TMEM266: variants seen among roughly 807,000 people sequenced by gnomAD.
TMEM266 encodes the protein Hv1 related protein 1.
TMEM266 carries 33 observed loss-of-function variants against 50.5 expected under a neutral mutation model. The observed-to-expected ratio is 0.65, with a 90% CI of 0.50 to 0.87. The LOEUF (loss-of-function observed/expected upper bound fraction) is 0.87. Ranked by LOEUF, TMEM266 falls within the 40% of genes least tolerant of loss-of-function variation. The pLI is 0.00. For synonymous variants in TMEM266, 310 were observed against 292.3 expected, an observed-to-expected ratio of 1.06 and a Z score of -0.62; for missense variants, 655 against 695.1, an observed-to-expected ratio of 0.94 and a Z score of 0.65.
chr15:76,178,807 C>T (rs1203149050), intron 8 of TMEM266: 4 of 152,332 alleles, frequency 2.6e-5, no homozygotes, highest in Admixed American at 2.0e-4. Flanking sequence ...TGAACAGAAA[C>T]GAACCATTTT....
intron 8 of TMEM266, among the ~76,000 whole-genome samples, chr15:76,187,818 G>C (rs913771764): frequency 6.6e-6 from 1 of 152,208 alleles, no homozygotes; most frequent in Admixed American, 6.5e-5. Flanking sequence ...TTAGGGCCCA[G>C]TCTGAAGCCA....
intron 1 of TMEM266, among the ~76,000 whole-genome samples, chr15:76,087,256 T>A (rs1478193160): frequency 2.1e-4 from 32 of 152,124 alleles, no homozygotes; most frequent in Non-Finnish European, 1.5e-5. Context: ...ACTGTAATAA[T>A]GCAGCTGAAA....
At chr15:76,145,466 A>G (rs1334068298) in intron 3 of TMEM266, among the ~76,000 whole-genome samples, 1 of 152,204 alleles carries the variant, frequency 6.6e-6, no homozygotes, top group Non-Finnish European at 1.5e-5. Context: ...TTCTAAGAGC[A>G]ACAAAGAACT....
At chr15:76,136,585 C>T (rs1471417553) in intron 2 of TMEM266, among the ~76,000 whole-genome samples, 1 of 152,122 alleles carries the variant, frequency 6.6e-6, no homozygotes, top group Non-Finnish European at 1.5e-5. Context: ...ATGTTCCCTC[C>T]AATATTTAAA....
chr15:76,130,968 G>A (rs901770558), intron 1 of TMEM266, among the ~76,000 whole-genome samples: 7 of 152,188 alleles, frequency 4.6e-5, no homozygotes, highest in African/African-American at 1.7e-4. Context: ...TGTGCAAAAA[G>A]TTTGGAGTTT....
intron 1 of TMEM266, among the ~76,000 whole-genome samples, chr15:76,115,486 C>A (rs1041717630): frequency 6.6e-6 from 1 of 152,162 alleles, no homozygotes; most frequent in African/African-American, 2.4e-5. Context: ...TCTCTGGCTC[C>A]TGAAATGTGC....
chr15:76,174,648 A>G (rs947863810), intron 7 of TMEM266, among the ~76,000 whole-genome samples: 2 of 152,198 alleles, frequency 1.3e-5, no homozygotes, highest in African/African-American at 4.8e-5. Flanking sequence ...TCCAAAGAGA[A>G]AGCCTACACT....
At chr15:76,129,875 A>G (rs2142025821) in intron 1 of TMEM266, among the ~76,000 whole-genome samples, 1 of 152,288 alleles carries the variant, frequency 6.6e-6, no homozygotes, top group South Asian at 2.1e-4. Context: ...CCTTAAAAAA[A>G]TATATACAGG....
intron 1 of TMEM266, among the ~76,000 whole-genome samples, chr15:76,081,623 G>A (rs2036695927): frequency 6.6e-6 from 1 of 152,218 alleles, no homozygotes; most frequent in African/African-American, 2.4e-5. Context: ...CTCACTGACA[G>A]TGTAGACAGT....
chr15:76,167,187 A>G (rs767754891), intron 5 of TMEM266, among the ~76,000 whole-genome samples: 13 of 152,112 alleles, frequency 8.5e-5, no homozygotes, highest in African/African-American at 2.7e-4. Context: ...AAGAAACCAT[A>G]TGGCTGGGCG....
intron 1 of TMEM266, among the ~76,000 whole-genome samples, chr15:76,114,956 T>A (rs1482201765): frequency 6.6e-6 from 1 of 152,114 alleles, no homozygotes; most frequent in Non-Finnish European, 1.5e-5. Flanking sequence ...AGGTTCATCA[T>A]GTCTAGATTT....
intron 1 of TMEM266, among the ~76,000 whole-genome samples, chr15:76,081,238 A>G (rs1486531178): frequency 6.6e-6 from 1 of 152,230 alleles, no homozygotes; most frequent in Non-Finnish European, 1.5e-5. Flanking sequence ...TTGACTATGG[A>G]CAAGTCATTG....
intron 7 of TMEM266, 25 bp from the exon 8 acceptor site, chr15:76,175,534 T>C: frequency 6.3e-7 from 1 of 1,596,400 alleles, no homozygotes; most frequent in African/African-American, 1.3e-5. Context: ...GCTGAATTCT[T>C]TACAGGGCTG....
At chr15:76,085,934 G>T (rs2036769890) in intron 1 of TMEM266, among the ~76,000 whole-genome samples, 1 of 151,942 alleles carries the variant, frequency 6.6e-6, no homozygotes, top group Admixed American at 6.6e-5. Context: ...TTTAGTTCCA[G>T]CTACTTGGGA....
chr15:76,089,384 G>A lies in TMEM266; in HGVS notation c.-97+29368G>A, dbSNP rs574936206. ...ATTTTTTTGTATTTTTAGTAGAGAC[G>A]GGGTTTCACCGTGTTAGCCAGGATG... On this transcript the variant is annotated intron_variant, in intron 1 of 10. Transcript: ENST00000388942. Among the ~76,000 whole-genome samples the A allele has an allele frequency of 2.2e-4, 34 of 151,856 alleles. 3 individuals are homozygous for A. The East Asian group carries it at 5.3e-3, about 24-fold the overall frequency.
At chr15:76,203,694 G>A (rs2038786626) in intron 10 of TMEM266, 47 bp from the exon 11 acceptor site, 1 of 1,558,378 alleles carries the variant, frequency 6.4e-7, no homozygotes, top group Admixed American at 1.7e-5. Flanking sequence ...GGGCCCCCAG[G>A]TGTGGCAGAG....
At chr15:76,133,441 AAAT>A (rs1022746068) in intron 1 of TMEM266, among the ~76,000 whole-genome samples, 1 of 151,740 alleles carries the variant, frequency 6.6e-6, no homozygotes, top group Non-Finnish European at 1.5e-5. Context: ...CATCTAAAAA[AAAT>A]AAATAAATAA....
chr15:76,088,464 G>C (rs2036803697), intron 1 of TMEM266, among the ~76,000 whole-genome samples: 1 of 152,052 alleles, frequency 6.6e-6, no homozygotes, highest in Non-Finnish European at 1.5e-5. Context: ...ACCAACCTGG[G>C]CAACAGAGGG....
intron 2 of TMEM266, among the ~76,000 whole-genome samples, chr15:76,135,231 C>G (rs536948432): frequency 6.6e-6 from 1 of 152,314 alleles, no homozygotes; most frequent in South Asian, 2.1e-4. Flanking sequence ...AGAATAGAAC[C>G]ATTAATACAT....
Sources: allele counts gnomAD v4.1 joint callset (sites outside exome capture counted in the v4.1 genomes callset), GRCh38; gene constraint gnomAD v4.1.1; transcripts MANE v1.5; gene names NCBI Gene and HGNC (gene_info 2026-07-23, HGNC 2026-07-21).